The following RAP1GAP2 variants were observed in gnomAD, a reference collection of about 807,000 sequenced individuals.
RAP1GAP2 encodes the protein rap1 GTPase-activating protein 2.
A neutral mutation model predicts 95.0 loss-of-function variants in RAP1GAP2; 27 were observed. The observed-to-expected ratio is 0.28, with a 90% CI of 0.21 to 0.39. The LOEUF is 0.39. Ranked by LOEUF, RAP1GAP2 falls within the 10% of genes least tolerant of loss-of-function variation. RAP1GAP2 has a pLI of 1.00. For missense variants in RAP1GAP2, 771 were observed against 970.0 expected (o/e 0.79, Z 2.72); for synonymous variants, 373 against 380.9 (o/e 0.98, Z 0.24).
At chr17:2,886,171 A>ATATATATATAT (rs1172583026) in intron 2 of RAP1GAP2, among the ~76,000 whole-genome samples, 7 of 123,352 alleles carry the variant, frequency 5.7e-5, no homozygotes, top group African/African-American at 2.2e-4. Context: ...GTATATATAT[A>ATATATATATAT]TTTTTTTTTT....
At chr17:2,931,589 A>G (rs960260087) in intron 3 of RAP1GAP2, among the ~76,000 whole-genome samples, 4 of 152,188 alleles carry the variant, frequency 2.6e-5, no homozygotes, top group African/African-American at 4.8e-5. Flanking sequence ...GCTTATAGGG[A>G]AGAGAGCTGT....
intron 17 of RAP1GAP2, among the ~76,000 whole-genome samples, chr17:3,013,006 C>T (rs369326683): frequency 2.4e-4 from 36 of 152,194 alleles, no homozygotes; most frequent in Non-Finnish European, 5.1e-4. Flanking sequence ...CTGACCTCAT[C>T]GCACAGAGGT....
At chr17:2,908,610 G>A (rs896225455) in intron 3 of RAP1GAP2, among the ~76,000 whole-genome samples, 3 of 152,068 alleles carry the variant, frequency 2.0e-5, no homozygotes, top group Non-Finnish European at 4.4e-5. Flanking sequence ...AGGAGGCGGC[G>A]AGAATGGCTC....
At chr17:2,765,808 A>G (rs1272111967) in intron 1 of RAP1GAP2, among the ~76,000 whole-genome samples, 1 of 150,642 alleles carries the variant, frequency 6.6e-6, no homozygotes, top group Non-Finnish European at 1.5e-5. Flanking sequence ...CTCTACTAAA[A>G]ATACAAAAAA....
intron 16 of RAP1GAP2, among the ~76,000 whole-genome samples, 185 bp from the exon 17 acceptor site, chr17:3,007,826 C>T (rs1049380978): frequency 2.5e-4 from 38 of 152,218 alleles, no homozygotes; most frequent in Admixed American, 6.5e-4. Flanking sequence ...AGGCCGAGCA[C>T]GCAGCCTTCA....
chr17:2,999,353 C>T (rs1394702504), intron 14 of RAP1GAP2, among the ~76,000 whole-genome samples: 1 of 152,212 alleles, frequency 6.6e-6, no homozygotes, highest in Non-Finnish European at 1.5e-5. Context: ...CAGTCTCTGA[C>T]TCCCTGCAGA....
At chr17:2,794,306 A>C (rs2069008750), upstream of RAP1GAP2, among the ~76,000 whole-genome samples, 1 of 152,078 alleles carries the variant, frequency 6.6e-6, no homozygotes, top group Admixed American at 6.6e-5. Flanking sequence ...AGGCCTGGTC[A>C]GGTGCCCACT....
At chr17:2,859,320 A>C (rs1415852023) in intron 2 of RAP1GAP2, among the ~76,000 whole-genome samples, 2 of 152,126 alleles carry the variant, frequency 1.3e-5, no homozygotes, top group African/African-American at 2.4e-5. Context: ...CATGTTGGCC[A>C]GGCTGGTCTC....
chr17:2,845,591 G>A (rs139646492), intron 2 of RAP1GAP2, among the ~76,000 whole-genome samples: 4,194 of 152,192 alleles, frequency 0.028, 189 homozygotes, highest in African/African-American at 0.096. Context: ...AGCTGGGTGT[G>A]GTGGCTCACG....
chr17:2,994,859 G>A (rs528209467), intron 12 of RAP1GAP2, among the ~76,000 whole-genome samples: 2 of 152,348 alleles, frequency 1.3e-5, no homozygotes, highest in South Asian at 4.1e-4. Context: ...TGTTGCCCAG[G>A]CTGGAGTGCA....
rs77355290 is a variant in RAP1GAP2 at position 3,020,432 on chromosome 17, C to G, written c.1633-45C>G. ...GGAGGAGGATGAGGGGATAGGAGAT[C>G]GGTGTTTGGGCCGGGAGCACTCATT... On this transcript the variant is annotated intron_variant, in intron 18 of 24. Coordinates refer to ENST00000254695, the MANE Select transcript of RAP1GAP2 (RefSeq NM_015085.5). The G allele has an allele frequency of 2.7e-3, 4,012 of 1,477,724 alleles. 72 individuals are homozygous for G. In the African/African-American group the frequency reaches 0.045, roughly 17 times the overall value. 91.5% of individuals were successfully genotyped at this position (1,477,724 alleles called of 1,614,324 possible). A position where few individuals can be genotyped will look rare whatever the true frequency, so the allele number is the denominator to read the frequency against.
At chr17:2,980,479 C>A in intron 9 of RAP1GAP2, 114 bp downstream of exon 9, 1 of 1,052,206 alleles carries the variant, frequency 9.5e-7, no homozygotes, top group Non-Finnish European at 1.4e-6. Context: ...AAGGGGAGGC[C>A]ACTTTACTCT....
At position 2,965,406 on chromosome 17, in the gene RAP1GAP2, T is replaced by C; in HGVS notation, c.493-134T>C. 1 of 701,712 alleles carries C rather than the reference T, an allele frequency of 1.4e-6. No individual in the cohort carries two copies. The highest frequency in any genetic ancestry group is 2.4e-6 in the Non-Finnish European group (1 of 416,032). The allele number at this position is 701,712 out of a possible 1,614,324, so 43.5% of individuals were successfully genotyped here. A position where few individuals can be genotyped will look rare whatever the true frequency, so the allele number is the denominator to read the frequency against. On this transcript the variant is annotated intron_variant, in intron 7 of 24. Coordinates refer to ENST00000254695, the MANE Select transcript of RAP1GAP2 (RefSeq NM_015085.5). The surrounding 1 kb of genome is among the most constrained non-coding windows in gnomAD (Gnocchi z 4.7). ...CGGCCGTCGGTACCTGTTAATGTCG[T>C]TGTCATTGTCATCAGTAGCATCCTT...
chr17:2,777,867 C>T (rs942555684), intron 1 of RAP1GAP2, among the ~76,000 whole-genome samples: 1 of 152,122 alleles, frequency 6.6e-6, no homozygotes. Context: ...GCCCTATACG[C>T]CTCAGTTTCC....
chr17:3,019,862 C>T (rs945464432), intron 18 of RAP1GAP2, among the ~76,000 whole-genome samples: 6 of 152,196 alleles, frequency 3.9e-5, no homozygotes, highest in Non-Finnish European at 7.3e-5. Flanking sequence ...CTCCCATCTG[C>T]CCTCCTCAAA....
intron 1 of RAP1GAP2, among the ~76,000 whole-genome samples, chr17:2,778,795 G>A (rs2068569068): frequency 6.6e-6 from 1 of 152,194 alleles, no homozygotes; most frequent in African/African-American, 2.4e-5. Flanking sequence ...AGGAAACAAG[G>A]GCGAGGACAT....
At chr17:2,837,667 C>T (rs1053724408) in intron 2 of RAP1GAP2, among the ~76,000 whole-genome samples, 9 of 146,856 alleles carry the variant, frequency 6.1e-5, no homozygotes, top group South Asian at 2.1e-4. Flanking sequence ...AGTGCAGTGG[C>T]GTGACCTTGG....
chr17:2,856,921 C>T (rs2072163019), intron 2 of RAP1GAP2, among the ~76,000 whole-genome samples: 1 of 152,140 alleles, frequency 6.6e-6, no homozygotes, highest in South Asian at 2.1e-4. Context: ...CCTTTGCTTC[C>T]CTCTCTGTAT....
rs376960014 is a variant in RAP1GAP2 at position 2,861,683 on chromosome 17, A to G, written c.81-43601A>G. ...GGGACGGAGTCTCGCTCTGTCGCCC[A>G]GGCTGGAGTGCAGTGGCGCGATCAC... On this transcript the variant is annotated intron_variant, in intron 2 of 24. Transcript: ENST00000254695. Among the ~76,000 whole-genome samples, 9 of 151,632 alleles carry G rather than the reference A, an allele frequency of 5.9e-5. No individual in the cohort carries two copies. In the East Asian group the frequency reaches 7.8e-4, roughly 13 times the overall value.
Sources: gnomAD v4.1 joint callset for allele counts (sites outside exome capture counted in the v4.1 genomes callset) on GRCh38, gnomAD v4.1.1 for gene constraint, Gnocchi (gnomAD v3.1) non-coding constraint, MANE v1.5 for transcripts, NCBI Gene and HGNC (gene_info 2026-07-23, HGNC 2026-07-21) for gene names.